The following RIC1 variants were observed in gnomAD, a reference collection of about 807,000 sequenced individuals.
The protein encoded by RIC1 is RIC1 partner of RAB6A GEF complex.
RIC1 carries 88 observed loss-of-function variants against 169.0 expected under a neutral mutation model. That is an observed-to-expected ratio of 0.52 (90% CI 0.44 to 0.62). The LOEUF is 0.62. RIC1 is among the 20% of genes least tolerant of loss of function. The probability of loss-of-function intolerance (pLI) is 0.00; values close to 1 mark genes in which losing one functional copy is unlikely to be tolerated. For missense variants in RIC1, 1,877 were observed against 1,725.5 expected (o/e 1.09, Z -1.56); for synonymous variants, 790 against 601.5 (o/e 1.31, Z -4.59).
intron 1 of RIC1, among the ~76,000 whole-genome samples, chr9:5,655,981 T>C (rs889503659): frequency 8.5e-5 from 13 of 152,178 alleles, no homozygotes; most frequent in African/African-American, 3.1e-4. Flanking sequence ...GCTATTCTCC[T>C]GCCTCAGCCT....
At chr9:5,731,796 A>T (rs1449764781) in intron 6 of RIC1, among the ~76,000 whole-genome samples, 1 of 152,168 alleles carries the variant, frequency 6.6e-6, no homozygotes, top group Non-Finnish European at 1.5e-5. Flanking sequence ...CTGAGAGGTA[A>T]ATACGATAAG....
intron 8 of RIC1, among the ~76,000 whole-genome samples, chr9:5,740,226 A>C (rs1038863394): frequency 6.6e-6 from 1 of 152,154 alleles, no homozygotes; most frequent in African/African-American, 2.4e-5. Context: ...AGGAGTGCCA[A>C]ATGCATTTAT....
rs1825163965 is a variant in RIC1 at position 5,742,875 on chromosome 9, G to C, written c.908G>C (p.Trp303Ser). The C allele has an allele frequency of 6.2e-7, 1 of 1,607,840 alleles. No individual in the cohort carries two copies. The highest frequency in any genetic ancestry group is 1.7e-5 in the Admixed American group (1 of 59,708). ...TCTCACTATTTCCTAACAGACATTT[G>C]GAATAAAACAGGAGCTGTTAAATTG... ...ELTAKQYPDI[W>S]NKTGAVKLMR... Residue 303 changes from tryptophan (W) to serine (S), a missense_variant, in exon 9 of 26, where the codon TGG (tryptophan) becomes TCG (serine). By Grantham distance (177) the Trp-to-Ser change is radical (BLOSUM62 -3). Around this residue, in one of 3 missense-constraint regions of RIC1, gnomAD observed 1,104 missense variants for 992.0 expected, o/e 1.11. Transcript: ENST00000414202.
chr9:5,702,238 A>G (rs755911557), intron 3 of RIC1, among the ~76,000 whole-genome samples: 1 of 152,236 alleles, frequency 6.6e-6, no homozygotes, highest in African/African-American at 2.4e-5. Flanking sequence ...TTATTGAGGA[A>G]TTCTTTGTAA....
intron 2 of RIC1, among the ~76,000 whole-genome samples, chr9:5,680,356 C>A (rs541575349): frequency 3.3e-5 from 5 of 152,266 alleles, no homozygotes; most frequent in East Asian, 1.9e-4. Context: ...CTGGCGTCAT[C>A]AAATGAGTTA....
At chr9:5,736,464 T>C (rs1188583374) in intron 7 of RIC1, among the ~76,000 whole-genome samples, 2 of 152,184 alleles carry the variant, frequency 1.3e-5, no homozygotes, top group African/African-American at 4.8e-5. Context: ...TAGTTTTTAT[T>C]ATTTTGAGTG....
chr9:5,647,929 T>G (rs971133386), intron 1 of RIC1, among the ~76,000 whole-genome samples: 64 of 102,660 alleles, frequency 6.2e-4, no homozygotes, highest in Non-Finnish European at 7.8e-4. Flanking sequence ...TTTGTGTGTG[T>G]GGGGGTGGGT....
chr9:5,753,723 T>C (rs941655713), intron 14 of RIC1, 77 bp downstream of exon 14: 1 of 612,604 alleles, frequency 1.6e-6, no homozygotes. Context: ...ATAAAGTTTA[T>C]CACTAAGTAA....
intron 7 of RIC1, 115 bp from the exon 8 acceptor site, chr9:5,738,335 A>G (rs981121855): frequency 4.0e-5 from 27 of 677,306 alleles, no homozygotes; most frequent in Non-Finnish European, 6.3e-5. Flanking sequence ...ACTTATTGAC[A>G]AAGTGGTTTT....
intron 1 of RIC1, among the ~76,000 whole-genome samples, chr9:5,637,871 C>T (rs1307040362): frequency 6.6e-6 from 1 of 152,154 alleles, no homozygotes; most frequent in Non-Finnish European, 1.5e-5. Context: ...TTGATGGACA[C>T]TTCCAGTACT....
chr9:5,725,404 T>C (rs986292528), intron 6 of RIC1, among the ~76,000 whole-genome samples: 1 of 152,140 alleles, frequency 6.6e-6, no homozygotes, highest in African/African-American at 2.4e-5. Flanking sequence ...GGTGGTGATA[T>C]CCCCTTTATC....
intron 23 of RIC1, among the ~76,000 whole-genome samples, 182 bp from the exon 24 acceptor site, chr9:5,772,382 C>T (rs180920699): frequency 2.0e-5 from 3 of 152,170 alleles, no homozygotes; most frequent in East Asian, 1.9e-4. Context: ...TACATAATGT[C>T]GGTTATCTAA....
At chr9:5,689,745 T>A (rs910446028) in intron 2 of RIC1, among the ~76,000 whole-genome samples, 2 of 152,206 alleles carry the variant, frequency 1.3e-5, no homozygotes, top group Admixed American at 1.3e-4. Context: ...AAGTACTGAT[T>A]TCACTGAAAG....
intron 2 of RIC1, among the ~76,000 whole-genome samples, chr9:5,665,476 C>G (rs1245784140): frequency 2.0e-5 from 3 of 152,184 alleles, no homozygotes; most frequent in Non-Finnish European, 2.9e-5. Flanking sequence ...GTTGTGAGCC[C>G]TTGCTGGAGA....
At position 5,704,196 on chromosome 9, in the gene RIC1, C is replaced by G. The variant is rs964115500; in HGVS notation, c.333-9700C>G. On this transcript the variant is annotated intron_variant, in intron 3 of 25. Transcript: ENST00000414202. Reference sequence around the variant, plus strand: ...TATCTTCTCTAGATAAATATCTATTCAAGTCTTCTTCCCACTGTCTTTTTT... The same window carrying G: ...TATCTTCTCTAGATAAATATCTATTGAAGTCTTCTTCCCACTGTCTTTTTT... 4.6e-5 allele frequency among the ~76,000 whole-genome samples: 7 copies of G among 151,858 alleles called. No individual in the cohort carries two copies. The East Asian group carries it at 1.3e-3, about 29-fold the overall frequency.
chr9:5,660,030 C>T (rs1819353691), intron 2 of RIC1, among the ~76,000 whole-genome samples: 1 of 152,148 alleles, frequency 6.6e-6, no homozygotes, highest in Admixed American at 6.6e-5. Flanking sequence ...TAACAGACCC[C>T]AGTGTATGTT....
Position 5,721,224 on chromosome 9 carries a change from C to T in RIC1, c.720+474C>T, listed in dbSNP as rs79548622. On this transcript the variant is annotated intron_variant, in intron 6 of 25. Coordinates refer to ENST00000414202, the MANE Select transcript of RIC1 (RefSeq NM_020829.4). Reference sequence around the variant, plus strand: ...GTTTATATTTTTATCAATATGTAAGCCCCATTAGTACCGAAACCATGTGGT... The same window carrying T: ...GTTTATATTTTTATCAATATGTAAGTCCCATTAGTACCGAAACCATGTGGT... Among the ~76,000 whole-genome samples the T allele has an allele frequency of 6.6e-3, 1,001 of 152,258 alleles. 13 individuals carry two copies. Among genetic ancestry groups the T allele is most frequent in the African/African-American group, 0.015 (616 of 41,522 alleles).
rs1255024744 is a variant in RIC1 at position 5,765,869 on chromosome 9, A to G, written c.3137+71A>G. On this transcript the variant is annotated intron_variant, in intron 21 of 25. Coordinates refer to ENST00000414202, the MANE Select transcript of RIC1 (RefSeq NM_020829.4). ...CATTGCATTTCAAGACATTTACAAA[A>G]TTAGGTCTTAATGGAAACAACTATT... 6 of 1,551,112 alleles carry G rather than the reference A, an allele frequency of 3.9e-6. No homozygotes were observed. The African/African-American group carries it at 5.5e-5, about 14-fold the overall frequency.
At chr9:5,661,681 T>C (rs539202059) in intron 2 of RIC1, among the ~76,000 whole-genome samples, 1 of 152,344 alleles carries the variant, frequency 6.6e-6, no homozygotes, top group East Asian at 1.9e-4. Flanking sequence ...ACATTAATTT[T>C]CTATCCTTAG....
Sources: gnomAD v4.1 joint callset for allele counts (sites outside exome capture counted in the v4.1 genomes callset) on GRCh38, gnomAD v4.1.1 for gene constraint, gnomAD v4.1.1 regional missense constraint, MANE v1.5 for transcripts, NCBI Gene and HGNC (gene_info 2026-07-23, HGNC 2026-07-21) for gene names.